The following NLGN1 variants were observed in gnomAD, a reference collection of about 807,000 sequenced individuals.
The protein encoded by NLGN1 is neuroligin-1.
Under a neutral mutation model 65.5 loss-of-function variants are expected in NLGN1, and 12 were observed. The ratio of observed to expected loss-of-function variants is 0.18; its 90% confidence interval spans 0.12 to 0.30. The LOEUF (loss-of-function observed/expected upper bound fraction) is 0.30, where lower values mean the gene tolerates loss of function less well. NLGN1 is among the 10% of genes least tolerant of loss of function. The pLI, the probability that NLGN1 is intolerant of heterozygous loss-of-function variation, is 1.00. For synonymous variants in NLGN1, 350 were observed against 359.5 expected (o/e 0.97, Z 0.30); for missense variants, 750 against 1,007.1 (o/e 0.74, Z 3.46).
At chr3:173,433,143 G>A (rs73883138) in intron 1 of NLGN1, among the ~76,000 whole-genome samples, 4,368 of 152,054 alleles carry the variant, frequency 0.029, 203 homozygotes, top group African/African-American at 0.1. Context: ...CTATTTGACC[G>A]ATTGCCCTGT....
intron 3 of NLGN1, among the ~76,000 whole-genome samples, chr3:173,631,686 G>C (rs1755709690): frequency 6.6e-6 from 1 of 151,982 alleles, no homozygotes; most frequent in South Asian, 2.1e-4. Flanking sequence ...GTCCAACAAA[G>C]TCAAATTTAC....
chr3:173,927,249 A>G (rs970336045), intron 4 of NLGN1, among the ~76,000 whole-genome samples: 7 of 152,054 alleles, frequency 4.6e-5, no homozygotes, highest in Non-Finnish European at 1.0e-4. Context: ...TTTTTAGTAG[A>G]GATGGGGTTT....
At chr3:173,769,284 C>A (rs1303472177) in intron 3 of NLGN1, among the ~76,000 whole-genome samples, 1 of 152,060 alleles carries the variant, frequency 6.6e-6, no homozygotes, top group Non-Finnish European at 1.5e-5. Context: ...GGAGAAAGAC[C>A]AAGCTAATTA....
At chr3:173,771,483 T>G (rs1186445441) in intron 3 of NLGN1, among the ~76,000 whole-genome samples, 1 of 152,138 alleles carries the variant, frequency 6.6e-6, no homozygotes, top group Non-Finnish European at 1.5e-5. Context: ...ATTGACTGAA[T>G]AGCAAGATAA....
chr3:173,949,966 A>G (rs969408703), intron 4 of NLGN1, among the ~76,000 whole-genome samples: 4 of 152,304 alleles, frequency 2.6e-5, no homozygotes, highest in African/African-American at 9.6e-5. Flanking sequence ...ACTGTTAGCA[A>G]TAGATATAGT....
chr3:173,942,636 A>T (rs1288690716), intron 4 of NLGN1, among the ~76,000 whole-genome samples: 8 of 152,002 alleles, frequency 5.3e-5, no homozygotes, highest in Non-Finnish European at 8.8e-5. Flanking sequence ...AATGCAACCA[A>T]AAAAGAACAA....
In NLGN1 at chr3:173,491,108, G is replaced by C. The variant is rs1470740574; in HGVS notation, c.-321+56030G>C. Among the ~76,000 whole-genome samples the C allele has an allele frequency of 6.4e-4, 97 of 151,648 alleles. 1 individual carries two copies. The highest frequency in any genetic ancestry group is 3.5e-3 in the South Asian group (17 of 4,816). On this transcript the variant is annotated intron_variant, in intron 2 of 6. Coordinates refer to ENST00000457714, the Ensembl canonical transcript of NLGN1. The stretch of plus-strand genomic sequence containing the variant: ...TATTTCTTTCTCCTGCCTGATTGCC[G>C]TGGCCAGAACTTCCAACACTATGTT...
intron 4 of NLGN1, among the ~76,000 whole-genome samples, chr3:174,024,161 A>C (rs905258397): frequency 4.0e-5 from 6 of 151,660 alleles, no homozygotes; most frequent in African/African-American, 1.2e-4. Flanking sequence ...AAAAAAAAAA[A>C]AAAAACACGG....
intron 4 of NLGN1, among the ~76,000 whole-genome samples, chr3:173,834,250 A>G (rs1723159937): frequency 6.6e-6 from 1 of 152,168 alleles, no homozygotes; most frequent in South Asian, 2.1e-4. Flanking sequence ...TACCAAACTT[A>G]TTTAATTAAT....
At chr3:174,213,996 C>T (rs558214013) in intron 4 of NLGN1, among the ~76,000 whole-genome samples, 35 of 151,968 alleles carry the variant, frequency 2.3e-4, no homozygotes, top group Non-Finnish European at 4.0e-4. Context: ...ATGTGACATG[C>T]TTTTTTAGCA....
At chr3:173,912,169 G>A (rs1739752508) in intron 4 of NLGN1, among the ~76,000 whole-genome samples, 1 of 152,152 alleles carries the variant, frequency 6.6e-6, no homozygotes, top group Non-Finnish European at 1.5e-5. Context: ...AAGAAAGGTA[G>A]ACAATAAGTA....
At position 174,130,268 on chromosome 3, in the gene NLGN1, G is replaced by A. The variant is rs571320740; in HGVS notation, c.647-145047G>A. On this transcript the variant is annotated intron_variant, in intron 4 of 6. Coordinates refer to ENST00000457714, the Ensembl canonical transcript of NLGN1. ...AGGCACCTGTAATCCCAGCTACTCGGGAGGCTGAGGCAGGAGTGTCACTTG... is the reference window on the plus strand; with the variant it reads ...AGGCACCTGTAATCCCAGCTACTCGAGAGGCTGAGGCAGGAGTGTCACTTG... 5.9e-5 allele frequency among the ~76,000 whole-genome samples: 9 copies of A among 152,266 alleles called. No individual in the cohort carries two copies. In the East Asian group the frequency reaches 1.7e-3, roughly 29 times the overall value.
At chr3:173,890,888 C>T (rs1366284616) in intron 4 of NLGN1, among the ~76,000 whole-genome samples, 1 of 152,060 alleles carries the variant, frequency 6.6e-6, no homozygotes, top group Non-Finnish European at 1.5e-5. Context: ...TTGGTTGCAC[C>T]TGTAATGAGA....
At chr3:173,905,517 G>C (rs575072334) in intron 4 of NLGN1, among the ~76,000 whole-genome samples, 2 of 152,276 alleles carry the variant, frequency 1.3e-5, no homozygotes, top group African/African-American at 4.8e-5. Context: ...TCCTGGTCTA[G>C]CACCATCCTA....
At chr3:174,276,146 A>AT (rs1483128220) in intron 5 of NLGN1, among the ~76,000 whole-genome samples, 1 of 151,810 alleles carries the variant, frequency 6.6e-6, no homozygotes. Flanking sequence ...CAAAAGCATT[A>AT]TTTTTCCCCC....
chr3:173,674,941 T>C (rs1304055223), intron 3 of NLGN1, among the ~76,000 whole-genome samples: 1 of 152,078 alleles, frequency 6.6e-6, no homozygotes, highest in Non-Finnish European at 1.5e-5. Flanking sequence ...TTATATTTTT[T>C]TCATGTTTCT....
chr3:174,100,272 A>G (rs1172912377), intron 4 of NLGN1, among the ~76,000 whole-genome samples: 1 of 141,374 alleles, frequency 7.1e-6, no homozygotes, highest in African/African-American at 2.9e-5. Flanking sequence ...ATAAATACCT[A>G]TGGTAAAAAA....
chr3:173,868,684 G>A (rs1730639055), intron 4 of NLGN1, among the ~76,000 whole-genome samples: 1 of 152,106 alleles, frequency 6.6e-6, no homozygotes, highest in Admixed American at 6.5e-5. Flanking sequence ...TGGCTCCCAA[G>A]CTTCACTGGG....
chr3:173,749,879 TC>T (rs1272543464), intron 3 of NLGN1, among the ~76,000 whole-genome samples: 1 of 152,072 alleles, frequency 6.6e-6, no homozygotes, highest in Non-Finnish European at 1.5e-5. Flanking sequence ...ATTCCAGTCT[TC>T]CTAAAGCACA....
Sources: allele counts gnomAD v4.1 joint callset (sites outside exome capture counted in the v4.1 genomes callset), GRCh38; gene constraint gnomAD v4.1.1; transcripts MANE v1.5; gene names NCBI Gene and HGNC (gene_info 2026-07-23, HGNC 2026-07-21).